The following NR3C2 variants were observed in gnomAD, a reference collection of about 807,000 sequenced individuals.
The protein encoded by NR3C2 is nuclear receptor subfamily 3 group C member 2, also known as mineralocorticoid receptor.
In NR3C2, 15 loss-of-function variants were observed where a neutral mutation model predicts 86.4. The ratio of observed to expected loss-of-function variants is 0.17; its 90% CI spans 0.12 to 0.27. The LOEUF (loss-of-function observed/expected upper bound fraction) is 0.27, where lower values mean the gene tolerates loss of function less well. Ranked by LOEUF, NR3C2 falls within the 10% of genes least tolerant of loss-of-function variation. NR3C2 has a pLI of 1.00. For missense variants in NR3C2, 960 were observed against 1,195.6 expected, an observed-to-expected ratio of 0.80 and a Z score of 2.91; for synonymous variants, 458 against 450.5, an observed-to-expected ratio of 1.02 and a Z score of -0.21.
chr4:148,345,724 T>C (rs975703131), intron 2 of NR3C2, among the ~76,000 whole-genome samples: 3 of 151,982 alleles, frequency 2.0e-5, no homozygotes, highest in Non-Finnish European at 4.4e-5. Context: ...TAATTAAACC[T>C]GAGGACTTTA....
intron 8 of NR3C2, among the ~76,000 whole-genome samples, chr4:148,091,611 G>A (rs939135379): frequency 1.2e-4 from 18 of 152,190 alleles, no homozygotes; most frequent in Admixed American, 2.0e-4. Context: ...GCTGTGTTAC[G>A]GCAAAGCATC....
chr4:148,388,871 G>T (rs1336782822), intron 2 of NR3C2, among the ~76,000 whole-genome samples: 1 of 152,158 alleles, frequency 6.6e-6, no homozygotes, highest in Non-Finnish European at 1.5e-5. Context: ...CCTCACTTAA[G>T]GGACCTGGGT....
At chr4:148,381,047 C>T (rs996730477) in intron 2 of NR3C2, among the ~76,000 whole-genome samples, 1 of 151,820 alleles carries the variant, frequency 6.6e-6, no homozygotes, top group Non-Finnish European at 1.5e-5. Context: ...GCTAACACAG[C>T]AAGACCCTGT....
intron 6 of NR3C2, among the ~76,000 whole-genome samples, chr4:148,148,911 G>A (rs1194335592): frequency 6.6e-6 from 1 of 152,060 alleles, no homozygotes; most frequent in East Asian, 1.9e-4. Flanking sequence ...AAATATTCCT[G>A]GAATAAATGC....
intron 3 of NR3C2, among the ~76,000 whole-genome samples, chr4:148,205,200 C>G (rs1302209821): frequency 1.3e-5 from 2 of 152,186 alleles, no homozygotes; most frequent in Non-Finnish European, 2.9e-5. Flanking sequence ...CAAAGGACAA[C>G]TGAATCATAA....
intron 6 of NR3C2, among the ~76,000 whole-genome samples, chr4:148,122,095 G>C (rs1732533813): frequency 1.3e-5 from 2 of 152,008 alleles, no homozygotes; most frequent in Non-Finnish European, 2.9e-5. Flanking sequence ...TTTTCTATTT[G>C]ATGGGAGGTT....
chr4:148,397,140 T>C (rs992859629), intron 2 of NR3C2, among the ~76,000 whole-genome samples: 2 of 152,220 alleles, frequency 1.3e-5, no homozygotes, highest in Admixed American at 6.5e-5. Context: ...TGGGTCCCCA[T>C]GATGGGAAAT....
Position 148,079,687 on chromosome 4 carries a change from G to A in NR3C2, c.*1657C>T, listed in dbSNP as rs1578856847. On this transcript the variant is annotated 3_prime_UTR_variant, in exon 9 of 9. Coordinates refer to ENST00000358102, the MANE Select transcript of NR3C2 (RefSeq NM_000901.5). ...ATCAGTGCCAAACAAACAGATTAAT[G>A]AATTAAACATTTTAGTGCCACTGTC... 1 of 152,590 alleles carries A rather than the reference G, an allele frequency of 6.6e-6. No individual in the cohort carries two copies. The highest frequency in any genetic ancestry group is 1.5e-5 in the Non-Finnish European group (1 of 68,022). 9.5% of individuals were successfully genotyped at this position (152,590 alleles called of 1,614,324 possible).
In NR3C2 at chr4:148,429,309, C is replaced by T. The variant is rs1191238122; in HGVS notation, c.1757+5795G>A. Among the ~76,000 whole-genome samples the T allele has an allele frequency of 3.3e-5, 5 of 152,274 alleles. No individual in the cohort carries two copies. The South Asian group carries it at 8.3e-4, about 25-fold the overall frequency. On this transcript the variant is annotated intron_variant, in intron 2 of 8. Coordinates refer to ENST00000358102, the MANE Select transcript of NR3C2 (RefSeq NM_000901.5). ...ACTCCTAATATATAAGGTGAATATT[C>T]GTTACATACCAATGAAGTATTCATC...
rs921237875 is a variant in NR3C2, at chr4:148,154,101, C to T, written c.2365+450G>A. Among the ~76,000 whole-genome samples the T allele has an allele frequency of 4.6e-5, 7 of 150,582 alleles. No homozygotes were observed. In the South Asian group the frequency reaches 1.1e-3, roughly 23 times the overall value. On this transcript the variant is annotated intron_variant, in intron 5 of 8. Coordinates refer to ENST00000358102, the MANE Select transcript of NR3C2 (RefSeq NM_000901.5). ...TCGGCTCACTGCAGCCTCTGCCGCCCAGGTTCAAGCGATTCTCCTGCCTCA... is the reference window on the plus strand; with the variant it reads ...TCGGCTCACTGCAGCCTCTGCCGCCTAGGTTCAAGCGATTCTCCTGCCTCA...
intron 2 of NR3C2, among the ~76,000 whole-genome samples, chr4:148,270,553 A>T (rs1034441307): frequency 3.3e-5 from 5 of 152,136 alleles, no homozygotes; most frequent in African/African-American, 1.2e-4. Flanking sequence ...TTTCAAACCT[A>T]CTATCTGACT....
In NR3C2 at chr4:148,435,636, A is replaced by C; in HGVS notation, c.1225T>G (p.Ser409Ala). ...KPEPDGAFSS[S>A]CLGGNSKINS... is the part of the protein sequence containing the mutation. The stretch of plus-strand genomic sequence containing the variant: ...ATTTTGCTATTTCCTCCTAGACATG[A>C]GCTGCTAAAAGCTCCATCTGGTTCT... The change falls in exon 2 of 9, where the codon TCA (serine) becomes GCA (alanine). Residue 409 changes from serine to alanine, a missense_variant. Physicochemically the swap from Ser to Ala is moderately conservative, Grantham distance 99 (BLOSUM62 1). This residue lies in a region of NR3C2 where 680 missense variants were observed against 719.0 expected (regional missense o/e 0.95). Transcript: ENST00000358102. 6.2e-7 allele frequency: 1 copy of C among 1,614,194 alleles called. No individual in the cohort carries two copies. Among genetic ancestry groups the C allele is most frequent in the Non-Finnish European group, 8.5e-7 (1 of 1,180,044 alleles).
intron 2 of NR3C2, among the ~76,000 whole-genome samples, chr4:148,400,444 T>C (rs750288416): frequency 6.6e-6 from 1 of 152,144 alleles, no homozygotes; most frequent in Non-Finnish European, 1.5e-5. Flanking sequence ...AGAGATCCAA[T>C]CTTATATTTT....
At chr4:148,424,293 G>T (rs1376741428) in intron 2 of NR3C2, among the ~76,000 whole-genome samples, 1 of 152,194 alleles carries the variant, frequency 6.6e-6, no homozygotes, top group Non-Finnish European at 1.5e-5. Context: ...ACTATCAAGT[G>T]TTGGAAAGGA....
At chr4:148,147,814 G>A (rs1453174483) in intron 6 of NR3C2, among the ~76,000 whole-genome samples, 1 of 152,224 alleles carries the variant, frequency 6.6e-6, no homozygotes, top group Non-Finnish European at 1.5e-5. Flanking sequence ...AACATGTTCA[G>A]AAGACAGGAA....
chr4:148,292,552 A>G (rs72728477), intron 2 of NR3C2, among the ~76,000 whole-genome samples: 2,169 of 152,250 alleles, frequency 0.014, 27 homozygotes, highest in Non-Finnish European at 0.023. Context: ...AAAGACTTAC[A>G]TATGAAAGAA....
rs1014121130 is a variant in NR3C2, at chr4:148,435,891, T to C, written c.970A>G (p.Ser324Gly). Residue 324 changes from serine (S) to glycine (G), a missense_variant, in exon 2 of 9, where the codon AGT (serine) becomes GGT (glycine). By Grantham distance (56) the Ser-to-Gly change is moderately conservative (BLOSUM62 0). Around this residue, in one of 4 missense-constraint regions of NR3C2, gnomAD observed 680 missense variants for 719.0 expected, o/e 0.95. Transcript: ENST00000358102. ...SNTNNRSTLSSPAASTVGSIC... is the reference protein window; with the variant it reads ...SNTNNRSTLSGPAASTVGSIC... ...GATCCCACAGTACTGGCTGCCGGACTGGAAAGCGTGGATCTGTTATTAGTG... is the reference window on the plus strand; with the variant it reads ...GATCCCACAGTACTGGCTGCCGGACCGGAAAGCGTGGATCTGTTATTAGTG... The C allele has an allele frequency of 1.4e-5, 23 of 1,614,076 alleles. No individual in the cohort carries two copies. The highest frequency in any genetic ancestry group is 1.9e-5 in the Non-Finnish European group (22 of 1,180,028).
intron 2 of NR3C2, among the ~76,000 whole-genome samples, chr4:148,419,832 AG>A (rs566651689): frequency 1.2e-3 from 179 of 152,300 alleles, no homozygotes; most frequent in African/African-American, 4.1e-3. Flanking sequence ...CAATATTACC[AG>A]ACAGTTCATT....
chr4:148,163,932 A>G (rs1734772550), intron 4 of NR3C2, among the ~76,000 whole-genome samples: 1 of 152,224 alleles, frequency 6.6e-6, no homozygotes, highest in Non-Finnish European at 1.5e-5. Flanking sequence ...TACAATAGAG[A>G]AGTCCCATTA....
Sources: allele counts gnomAD v4.1 joint callset (sites outside exome capture counted in the v4.1 genomes callset), GRCh38; gene constraint gnomAD v4.1.1; regional missense constraint gnomAD v4.1.1; transcripts MANE v1.5; gene names NCBI Gene and HGNC (gene_info 2026-07-23, HGNC 2026-07-21).